The following CELA1 variants were observed in gnomAD, a reference collection of about 807,000 sequenced individuals.
CELA1 encodes chymotrypsin like elastase 1, also known as chymotrypsin-like elastase family member 1.
In CELA1, 28 loss-of-function variants were observed where a neutral mutation model predicts 34.8. That is an observed-to-expected ratio of 0.80 (90% CI 0.60 to 1.10). The LOEUF is 1.10. CELA1 is among the 50% of genes least tolerant of loss of function. CELA1 has a pLI of 0.00. For synonymous variants in CELA1, 140 were observed against 129.8 expected, an observed-to-expected ratio of 1.08 and a Z score of -0.53; for missense variants, 288 against 327.5, an observed-to-expected ratio of 0.88 and a Z score of 0.93.
Position 51,341,246 on chromosome 12 carries a change from T to C in CELA1, c.461A>G (p.Lys154Arg), listed in dbSNP as rs1281893603. 1 of 1,614,100 alleles carries C rather than the reference T, an allele frequency of 6.2e-7. No individual in the cohort carries two copies. The highest frequency in any genetic ancestry group is 8.5e-7 in the Non-Finnish European group (1 of 1,180,004). The change falls in exon 5 of 8, where the codon AAG becomes AGG. Residue 154 changes from lysine to arginine, a missense_variant and splice_region_variant. By Grantham distance (26) the Lys-to-Arg change is conservative (BLOSUM62 2). Coordinates refer to ENST00000293636, the MANE Select transcript of CELA1 (RefSeq NM_001971.6). ...PCYITGWGKTKTNGQLAQTLQ... is the reference protein window; with the variant it reads ...PCYITGWGKTRTNGQLAQTLQ... ...TTGTGCCAATGTAGGCAACTTACTC[T>C]TGGTCTTGCCCCAGCCTGTGATGTA...
In CELA1 at chr12:51,341,300, C is replaced by T. The variant is rs374432771; in HGVS notation, c.407G>A (p.Gly136Glu). 4.3e-6 allele frequency: 7 copies of T among 1,614,038 alleles called. No individual in the cohort carries two copies. In the African/African-American group the frequency reaches 6.7e-5, roughly 15 times the overall value. ...YVQLGVLPQE[G>E]AILANNSPCY... ...GGGACTGTTGTTAGCCAGGATGGCT[C>T]CCTCCTGGGGCAGAACACCCAGCTG... The change falls in exon 5 of 8, where the codon GGA becomes GAA. Residue 136 changes from glycine to glutamate, a missense_variant. Coordinates refer to ENST00000293636, the MANE Select transcript of CELA1 (RefSeq NM_001971.6).
Position 51,346,655 on chromosome 12 carries a change from A to G in CELA1, c.-17T>C. ...GACCAGCATGTTGCCGATGGAGTAG[A>G]CCACTGCCTTCTTGCTTGGACCAAG... On this transcript the variant is annotated 5_prime_UTR_variant, in exon 1 of 8. Coordinates refer to ENST00000293636, the MANE Select transcript of CELA1 (RefSeq NM_001971.6). 3 of 1,592,142 alleles carry G rather than the reference A, an allele frequency of 1.9e-6. No individual in the cohort carries two copies. Among genetic ancestry groups the G allele is most frequent in the East Asian group, 2.3e-5 (1 of 43,964 alleles).
intron 6 of CELA1, among the ~76,000 whole-genome samples, chr12:51,335,848 GCTGGT>G (rs1946497486): frequency 6.6e-6 from 1 of 151,946 alleles, no homozygotes; most frequent in Non-Finnish European, 1.5e-5. Flanking sequence ...CATTTCCCAG[GCTGGT>G]CTCTAACTCC....
intron 2 of CELA1, among the ~76,000 whole-genome samples, chr12:51,345,553 T>C (rs1251373235): frequency 6.6e-6 from 1 of 152,210 alleles, no homozygotes; most frequent in Non-Finnish European, 1.5e-5. Context: ...AGAATATAAA[T>C]GTATCTTGTG....
chr12:51,344,373 C>A lies in CELA1; in HGVS notation c.100-520G>T, dbSNP rs556046732. ...ACCCATTGTAACTCCTTTTTTGGAA[C>A]TCCTTCTACCTCTGTTCTCCCTTAA... On this transcript the variant is annotated intron_variant, in intron 2 of 7. Coordinates refer to ENST00000293636, the MANE Select transcript of CELA1 (RefSeq NM_001971.6). Among the ~76,000 whole-genome samples, 32 of 152,166 alleles carry A rather than the reference C, an allele frequency of 2.1e-4. 1 individual carries two copies. Among genetic ancestry groups the A allele is most frequent in the Non-Finnish European group, 2.8e-4 (19 of 68,030 alleles).
chr12:51,331,522 T>C (rs1287266737), intron 6 of CELA1, among the ~76,000 whole-genome samples: 2 of 152,122 alleles, frequency 1.3e-5, no homozygotes, highest in South Asian at 2.1e-4. Context: ...AATGAGAGAC[T>C]GGAAGAGTTG....
chr12:51,343,742 G>C lies in CELA1; in HGVS notation c.200+11C>G. 1 of 1,525,490 alleles carries C rather than the reference G, an allele frequency of 6.6e-7. No individual in the cohort carries two copies. The allele number at this position is 1,525,490 out of a possible 1,614,324, so 94.5% of individuals were successfully genotyped here. A position where few individuals can be genotyped will look rare whatever the true frequency, so the allele number is the denominator to read the frequency against. On this transcript the variant is annotated intron_variant, in intron 3 of 7. Coordinates refer to ENST00000293636, the MANE Select transcript of CELA1 (RefSeq NM_001971.6). ...CAGGGGCCCAGGAAAGCTTGTCTTT[G>C]TTTTTCTTACTAATCCACGCAGTGA...
chr12:51,331,165 G>A (rs1001700746), intron 6 of CELA1, among the ~76,000 whole-genome samples: 10 of 151,838 alleles, frequency 6.6e-5, no homozygotes, highest in Admixed American at 2.6e-4. Context: ...TGAGGCGGGC[G>A]GATCACCTGA....
intron 6 of CELA1, among the ~76,000 whole-genome samples, chr12:51,336,953 A>G (rs1393155658): frequency 2.6e-5 from 4 of 152,138 alleles, no homozygotes; most frequent in East Asian, 1.9e-4. Flanking sequence ...CTAAAGAACA[A>G]TTCTAAAAGG....
At chr12:51,342,832 A>C in intron 3 of CELA1, 132 bp from the exon 4 acceptor site, 2 of 970,320 alleles carry the variant, frequency 2.1e-6, no homozygotes, top group South Asian at 1.9e-5. Context: ...TTTTTTAGAG[A>C]TGGGGTTTTG....
chr12:51,334,547 C>T (rs953141593), intron 6 of CELA1, among the ~76,000 whole-genome samples: 10 of 152,190 alleles, frequency 6.6e-5, no homozygotes, highest in East Asian at 3.9e-4. Context: ...CATTCTCCTT[C>T]CTCAGCCTCC....
intron 7 of CELA1, among the ~76,000 whole-genome samples, chr12:51,328,982 C>T (rs1175194288): frequency 6.6e-6 from 1 of 152,070 alleles, no homozygotes; most frequent in East Asian, 1.9e-4. Flanking sequence ...GCAGGCCGGG[C>T]GCTGTGGCTC....
intron 6 of CELA1, among the ~76,000 whole-genome samples, chr12:51,331,860 C>T (rs1946471857): frequency 6.6e-6 from 1 of 152,032 alleles, no homozygotes; most frequent in Non-Finnish European, 1.5e-5. Flanking sequence ...CAATTTTTAA[C>T]AGACATTGAA....
At chr12:51,336,948 G>T (rs769941388) in intron 6 of CELA1, among the ~76,000 whole-genome samples, 1 of 152,140 alleles carries the variant, frequency 6.6e-6, no homozygotes, top group Non-Finnish European at 1.5e-5. Context: ...CATGCCTAAA[G>T]AACAATTCTA....
chr12:51,345,885 G>A lies in CELA1; in HGVS notation c.17-8C>T. On this transcript the variant is annotated splice_region_variant and splice_polypyrimidine_tract_variant and intron_variant, in intron 1 of 7. Coordinates refer to ENST00000293636, the MANE Select transcript of CELA1 (RefSeq NM_001971.6). ...GGTCCTGGGTGCTGTGTCCTTTGTG[G>A]GGCAGAAGAAAAGTGAGTGATGACT... is the stretch of plus-strand genomic sequence containing the variant. 2 of 1,554,106 alleles carry A rather than the reference G, an allele frequency of 1.3e-6. No homozygotes were observed. The highest frequency in any genetic ancestry group is 1.7e-6 in the Non-Finnish European group (2 of 1,147,626).
intron 6 of CELA1, among the ~76,000 whole-genome samples, chr12:51,334,442 T>C (rs986807928): frequency 6.6e-6 from 1 of 152,172 alleles, no homozygotes; most frequent in Non-Finnish European, 1.5e-5. Flanking sequence ...TAATCCTTTT[T>C]TTTTTCTTTG....
intron 7 of CELA1, among the ~76,000 whole-genome samples, chr12:51,328,857 AGG>A (rs1946451606): frequency 6.6e-6 from 1 of 152,222 alleles, no homozygotes; most frequent in Non-Finnish European, 1.5e-5. Context: ...ATGTGTTTGA[AGG>A]GTGGAGGGCA....
At chr12:51,342,193 A>AT (rs145657923) in intron 4 of CELA1, among the ~76,000 whole-genome samples, 1,632 of 146,750 alleles carry the variant, frequency 0.011, 19 homozygotes, top group African/African-American at 0.029. Context: ...TGCCTGGCTA[A>AT]TTTTTTTTTT....
intron 5 of CELA1, 34 bp downstream of exon 5, chr12:51,341,210 C>T (rs1480646982): frequency 1.2e-6 from 2 of 1,612,422 alleles, no homozygotes; most frequent in Non-Finnish European, 8.5e-7. Flanking sequence ...AATCAAGATC[C>T]CCGTGGTGGA....
Sources: allele counts gnomAD v4.1 joint callset (sites outside exome capture counted in the v4.1 genomes callset), GRCh38; gene constraint gnomAD v4.1.1; transcripts MANE v1.5; gene names NCBI Gene and HGNC (gene_info 2026-07-23, HGNC 2026-07-21).